Variants in PHTF2 observed in about 807,000 individuals in gnomAD.
PHTF2 encodes putative homeodomain transcription factor 2.
Under a neutral mutation model 101.2 loss-of-function variants are expected in PHTF2, and 60 were observed. The observed-to-expected ratio is 0.59, with a 90% CI of 0.48 to 0.73. The LOEUF (loss-of-function observed/expected upper bound fraction) is 0.73. Ranked by LOEUF, PHTF2 falls within the 30% of genes least tolerant of loss-of-function variation. The pLI is 0.00. For synonymous variants in PHTF2, 311 were observed against 307.3 expected (o/e 1.01, Z -0.13); for missense variants, 747 against 908.7 (o/e 0.82, Z 2.29).
chr7:77,799,029 A>G (rs1353366240), intron 1 of PHTF2, 58 bp downstream of exon 1: 1 of 152,598 alleles, frequency 6.6e-6, no homozygotes, highest in East Asian at 1.9e-4. Flanking sequence ...TCGAGTTCTG[A>G]CAGAATTTCG....
Position 77,940,433 on chromosome 7 carries a change from C to G in PHTF2, c.1741-95C>G. On this transcript the variant is annotated intron_variant, in intron 14 of 19. Coordinates refer to ENST00000416283, the Ensembl canonical transcript of PHTF2. Reference sequence around the variant, plus strand: ...ATTTTTTATTTTGCTTTTATAGTACCTAACCAAATAAAATCTTAACAATTC... The same window carrying G: ...ATTTTTTATTTTGCTTTTATAGTACGTAACCAAATAAAATCTTAACAATTC... 6 of 1,300,794 alleles carry G rather than the reference C, an allele frequency of 4.6e-6. No individual in the cohort carries two copies. In the South Asian group the frequency reaches 9.4e-5, roughly 20 times the overall value. 80.6% of individuals were successfully genotyped at this position (1,300,794 alleles called of 1,614,324 possible). A position where few individuals can be genotyped will look rare whatever the true frequency, so the allele number is the denominator to read the frequency against.
At chr7:77,802,547 G>T (rs953573743) in intron 1 of PHTF2, among the ~76,000 whole-genome samples, 3 of 151,934 alleles carry the variant, frequency 2.0e-5, no homozygotes, top group Non-Finnish European at 2.9e-5. Flanking sequence ...GTGGGACAGA[G>T]TTTTTTTATT....
At chr7:77,944,314 A>G (rs1186392526) in intron 16 of PHTF2, among the ~76,000 whole-genome samples, 1 of 152,194 alleles carries the variant, frequency 6.6e-6, no homozygotes, top group East Asian at 1.9e-4. Flanking sequence ...TCAAAGATCT[A>G]CAGCCTCAGT....
exon 8 of PHTF2, chr7:77,908,798 G>T: frequency 6.4e-7 from 1 of 1,572,756 alleles, no homozygotes; most frequent in Non-Finnish European, 8.6e-7. Flanking sequence ...TATAGTTGCT[G>T]CAATAGTATT....
At chr7:77,847,882 A>G (rs1796433263) in intron 2 of PHTF2, among the ~76,000 whole-genome samples, 1 of 152,136 alleles carries the variant, frequency 6.6e-6, no homozygotes. Flanking sequence ...GCCTCTGGTA[A>G]TGATCACTCT....
At chr7:77,843,179 G>A (rs2150586740) in intron 2 of PHTF2, among the ~76,000 whole-genome samples, 1 of 152,112 alleles carries the variant, frequency 6.6e-6, no homozygotes, top group South Asian at 2.1e-4. Flanking sequence ...TCATCCCAGT[G>A]ACTCCAAATT....
chr7:77,948,742 C>T (rs1182811819), intron 16 of PHTF2, among the ~76,000 whole-genome samples: 5 of 152,116 alleles, frequency 3.3e-5, no homozygotes, highest in Non-Finnish European at 7.4e-5. Flanking sequence ...GAGAACACGT[C>T]ACGCCCATTA....
chr7:77,897,427 AAAT>A (rs1800974425), intron 5 of PHTF2, among the ~76,000 whole-genome samples: 1 of 151,178 alleles, frequency 6.6e-6, no homozygotes, highest in African/African-American at 2.4e-5. Flanking sequence ...TATATTTAAT[AAAT>A]AAAATATTTT....
chr7:77,922,998 A>G, intron 11 of PHTF2: 3 of 1,239,026 alleles, frequency 2.4e-6, no homozygotes, highest in Non-Finnish European at 3.0e-6. Flanking sequence ...TTTATGCATT[A>G]TCTTTGAAGA....
At chr7:77,859,008 A>G (rs1294823839) in intron 3 of PHTF2, among the ~76,000 whole-genome samples, 2 of 152,164 alleles carry the variant, frequency 1.3e-5, no homozygotes, top group African/African-American at 4.8e-5. Flanking sequence ...ACTGTGAGGG[A>G]AAAACTGTTC....
At chr7:77,868,897 T>G (rs1407327530) in intron 3 of PHTF2, among the ~76,000 whole-genome samples, 1 of 152,228 alleles carries the variant, frequency 6.6e-6, no homozygotes, top group Non-Finnish European at 1.5e-5. Context: ...TCTGAGAAAT[T>G]TTAAAATAAA....
intron 2 of PHTF2, among the ~76,000 whole-genome samples, chr7:77,851,894 G>A (rs1796792309): frequency 6.6e-6 from 1 of 151,956 alleles, no homozygotes; most frequent in African/African-American, 2.4e-5. Flanking sequence ...TATCTCATAA[G>A]TTTTAGTATG....
intron 1 of PHTF2, among the ~76,000 whole-genome samples, chr7:77,830,011 A>G (rs1387500341): frequency 6.6e-6 from 1 of 152,160 alleles, no homozygotes; most frequent in Non-Finnish European, 1.5e-5. Context: ...TAGCCCTCAA[A>G]TTCATCTGTG....
At chr7:77,892,478 C>A (rs992697365) in intron 3 of PHTF2, among the ~76,000 whole-genome samples, 2 of 152,176 alleles carry the variant, frequency 1.3e-5, no homozygotes, top group Non-Finnish European at 2.9e-5. Flanking sequence ...AGAAAATACT[C>A]TTTCCTCCTG....
chr7:77,822,612 A>G (rs1794380240), intron 1 of PHTF2, among the ~76,000 whole-genome samples: 1 of 151,932 alleles, frequency 6.6e-6, no homozygotes, highest in Non-Finnish European at 1.5e-5. Flanking sequence ...GCTGGTAGGG[A>G]TCTTCTGCTT....
intron 13 of PHTF2, 75 bp downstream of exon 12, chr7:77,937,913 T>G (rs1356798176): frequency 9.0e-6 from 6 of 669,918 alleles, no homozygotes; most frequent in African/African-American, 1.9e-5. Flanking sequence ...TACTGGAATA[T>G]TATATTAGTA....
chr7:77,809,899 C>G (rs536284325), intron 1 of PHTF2, among the ~76,000 whole-genome samples: 1 of 152,102 alleles, frequency 6.6e-6, no homozygotes, highest in Admixed American at 6.5e-5. Context: ...ATTGAAGCAC[C>G]GGGCTAGTTT....
At chr7:77,951,081 A>G (rs1806494991) in intron 17 of PHTF2, among the ~76,000 whole-genome samples, 1 of 152,228 alleles carries the variant, frequency 6.6e-6, no homozygotes, top group Non-Finnish European at 1.5e-5. Context: ...AACTGTGGAT[A>G]CCCCAAAATT....
intron 5 of PHTF2, chr7:77,895,220 A>G (rs574775883): frequency 2.0e-5 from 9 of 449,130 alleles, no homozygotes; most frequent in Admixed American, 1.9e-4. Flanking sequence ...TGATACATAC[A>G]TACATATATA....
Sources: allele counts gnomAD v4.1 joint callset (sites outside exome capture counted in the v4.1 genomes callset), GRCh38; gene constraint gnomAD v4.1.1; transcripts MANE v1.5; gene names NCBI Gene and HGNC (gene_info 2026-07-23, HGNC 2026-07-21).